Variants in KCNN2 observed in about 807,000 individuals in gnomAD.
KCNN2 encodes potassium calcium-activated channel subfamily N member 2.
A neutral mutation model predicts 55.5 loss-of-function variants in KCNN2; 24 were observed. The observed-to-expected ratio is 0.43, with a 90% CI of 0.31 to 0.61. The LOEUF is 0.61. KCNN2 is among the 20% of genes least tolerant of loss of function. The pLI is 0.08. For missense variants in KCNN2, 754 were observed against 853.6 expected, an observed-to-expected ratio of 0.88 and a Z score of 1.45; for synonymous variants, 431 against 336.1, an observed-to-expected ratio of 1.28 and a Z score of -3.09.
intron 3 of KCNN2, among the ~76,000 whole-genome samples, chr5:114,442,230 A>G (rs1040948002): frequency 6.6e-6 from 1 of 150,878 alleles, no homozygotes; most frequent in African/African-American, 2.4e-5. Flanking sequence ...ATTACAGCAG[A>G]ACGAATTATA....
At chr5:114,281,087 CT>C (rs1244613295) in intron 2 of KCNN2, among the ~76,000 whole-genome samples, 1 of 152,154 alleles carries the variant, frequency 6.6e-6, no homozygotes, top group Non-Finnish European at 1.5e-5. Flanking sequence ...GAAGTATTTT[CT>C]GACCACTTGT....
At chr5:114,143,041 G>A (rs575202210) in intron 1 of KCNN2, among the ~76,000 whole-genome samples, 12 of 152,138 alleles carry the variant, frequency 7.9e-5, no homozygotes, top group South Asian at 4.2e-4. Flanking sequence ...AATAATAAAC[G>A]CACACAAGAT....
At chr5:114,454,945 A>G (rs1212636491) in intron 3 of KCNN2, among the ~76,000 whole-genome samples, 1 of 152,200 alleles carries the variant, frequency 6.6e-6, no homozygotes, top group Non-Finnish European at 1.5e-5. Context: ...AGATACGCTT[A>G]TGTAAATCTC....
chr5:114,121,066 G>C (rs1030918547), intron 1 of KCNN2, among the ~76,000 whole-genome samples: 2 of 152,312 alleles, frequency 1.3e-5, no homozygotes, highest in East Asian at 3.9e-4. Flanking sequence ...TCCAGGGTTG[G>C]TAGTGCCATC....
At chr5:114,193,722 T>C (rs996722275) in intron 1 of KCNN2, among the ~76,000 whole-genome samples, 1 of 152,158 alleles carries the variant, frequency 6.6e-6, no homozygotes, top group East Asian at 1.9e-4. Flanking sequence ...CCTAATTCCC[T>C]TTCTAGCATC....
intron 1 of KCNN2, among the ~76,000 whole-genome samples, chr5:114,074,528 C>T (rs961421288): frequency 6.6e-6 from 1 of 152,270 alleles, no homozygotes. Context: ...GGACCTTGCT[C>T]ATTTCAGATT....
At chr5:114,092,468 T>C (rs898637297) in intron 1 of KCNN2, among the ~76,000 whole-genome samples, 1 of 152,170 alleles carries the variant, frequency 6.6e-6, no homozygotes, top group African/African-American at 2.4e-5. Context: ...TGTCAATGGA[T>C]CTGTCATTCT....
chr5:114,146,936 G>A (rs1437643889), intron 1 of KCNN2, among the ~76,000 whole-genome samples: 4 of 152,152 alleles, frequency 2.6e-5, no homozygotes, highest in East Asian at 1.9e-4. Flanking sequence ...AAGAGAACAA[G>A]GAAAACAGAT....
chr5:114,489,360 A>G (rs562219329), intron 6 of KCNN2, among the ~76,000 whole-genome samples: 1 of 152,296 alleles, frequency 6.6e-6, no homozygotes, highest in South Asian at 2.1e-4. Context: ...AATGCACCCT[A>G]CAAGGCATGT....
intron 1 of KCNN2, among the ~76,000 whole-genome samples, chr5:114,164,135 T>A (rs1752857762): frequency 6.6e-6 from 1 of 152,192 alleles, no homozygotes; most frequent in Admixed American, 6.5e-5. Flanking sequence ...TACAAAAGTA[T>A]TACTCTCTGG....
At position 114,099,081 on chromosome 5, in the gene KCNN2, A is replaced by T. The variant is rs888074467; in HGVS notation, c.-271+42581A>T. On this transcript the variant is annotated intron_variant, in intron 1 of 10. Coordinates refer to the KCNN2 transcript ENST00000512097. ...GGCTTTTCTCCAAAGGATTGACTTT[A>T]TTCTGAAAATAAATAATTCATCAAA... Among the ~76,000 whole-genome samples the T allele has an allele frequency of 2.0e-5, 3 of 152,284 alleles. No individual in the cohort carries two copies. The East Asian group carries it at 5.8e-4, about 29-fold the overall frequency.
intron 1 of KCNN2, among the ~76,000 whole-genome samples, chr5:114,058,695 A>C (rs1750261564): frequency 6.6e-6 from 1 of 152,198 alleles, no homozygotes; most frequent in African/African-American, 2.4e-5. Flanking sequence ...GTGGGTCAGC[A>C]GATTAGAGAG....
At position 114,362,978 on chromosome 5, in the gene KCNN2, T is replaced by A. The variant is rs769711583; in HGVS notation, c.839T>A (p.Val280Glu). ...TCGTCCTCAGCCCCCGAGATCGTGG[T>A]GTCTAAGCCCGAGCACAACAACTCC... ...AVSSSAPEIVVSKPEHNNSNN... is the reference protein window; with the variant it reads ...AVSSSAPEIVESKPEHNNSNN... Residue 280 changes from valine (V) to glutamate (E), a missense_variant, in exon 1 of 8, where the codon GTG becomes GAG. Coordinates refer to ENST00000673685, the MANE Select transcript of KCNN2 (RefSeq NM_021614.4). 1 of 1,589,804 alleles carries A rather than the reference T, an allele frequency of 6.3e-7. No homozygotes were observed. The highest frequency in any genetic ancestry group is 1.1e-5 in the South Asian group (1 of 89,722).
At chr5:114,067,321 A>G (rs1750471912) in intron 1 of KCNN2, among the ~76,000 whole-genome samples, 1 of 152,194 alleles carries the variant, frequency 6.6e-6, no homozygotes, top group Admixed American at 6.5e-5. Context: ...TGGCAACCTG[A>G]TAAAATGCAG....
intron 1 of KCNN2, among the ~76,000 whole-genome samples, chr5:114,186,350 T>C (rs1293204978): frequency 1.3e-5 from 2 of 152,074 alleles, no homozygotes; most frequent in Non-Finnish European, 2.9e-5. Flanking sequence ...TCATCAGAAA[T>C]TGGAATAAAA....
At chr5:114,171,255 A>C (rs1166969190) in intron 1 of KCNN2, among the ~76,000 whole-genome samples, 1 of 152,030 alleles carries the variant, frequency 6.6e-6, no homozygotes, top group Non-Finnish European at 1.5e-5. Flanking sequence ...TAGATATTAA[A>C]AAATAATAAC....
Position 114,373,640 on chromosome 5 carries a change from T to TTTTATATATATA in KCNN2, c.1218+9640_1218+9641insTTATATATATAT, listed in dbSNP as rs536849367. 8.6e-4 allele frequency among the ~76,000 whole-genome samples: 49 copies of TTTTATATATATA among 56,710 alleles called. 2 individuals are homozygous for TTTTATATATATA. The highest frequency in any genetic ancestry group is 2.6e-3 in the African/African-American group (49 of 18,992). The allele number at this position is 56,710 out of a possible 152,430, so 37.2% of individuals were successfully genotyped here. A position where few individuals can be genotyped will look rare whatever the true frequency, so the allele number is the denominator to read the frequency against. ...CTCTCATGGTGTTGTTATGAAGATTTTATATATATATATATATAAAATTAC... is the reference window on the plus strand; with the variant it reads ...CTCTCATGGTGTTGTTATGAAGATTTTTTATATATATATATATATATATATATATAAAATTAC... On this transcript the variant is annotated intron_variant, in intron 2 of 7. Transcript: ENST00000673685.
At chr5:114,160,369 C>T (rs1752743775) in intron 1 of KCNN2, among the ~76,000 whole-genome samples, 2 of 152,090 alleles carry the variant, frequency 1.3e-5, no homozygotes, top group South Asian at 2.1e-4. Flanking sequence ...GTCTGAGAGA[C>T]AGTTTGTTAT....
At chr5:114,237,564 G>A (rs915701003) in intron 2 of KCNN2, among the ~76,000 whole-genome samples, 7 of 152,016 alleles carry the variant, frequency 4.6e-5, no homozygotes, top group Non-Finnish European at 1.0e-4. Context: ...TAGATCCCCC[G>A]CCATGACTAA....
Sources: gnomAD v4.1 joint callset for allele counts (sites outside exome capture counted in the v4.1 genomes callset) on GRCh38, gnomAD v4.1.1 for gene constraint, MANE v1.5 for transcripts, NCBI Gene and HGNC (gene_info 2026-07-23, HGNC 2026-07-21) for gene names.